PHF20: variants seen among roughly 807,000 people sequenced by gnomAD.
PHF20 encodes glioma-expressed antigen 2.
A neutral mutation model predicts 113.5 loss-of-function variants in PHF20; 23 were observed. The observed-to-expected ratio is 0.20, with a 90% CI of 0.15 to 0.29. The LOEUF (loss-of-function observed/expected upper bound fraction) is 0.29, where lower values mean the gene tolerates loss of function less well. Ranked by LOEUF, PHF20 falls within the 10% of genes least tolerant of loss-of-function variation. The probability of loss-of-function intolerance (pLI) is 1.00; values close to 1 mark genes in which losing one functional copy is unlikely to be tolerated. For missense variants in PHF20, 943 were observed against 1,219.6 expected, an observed-to-expected ratio of 0.77 and a Z score of 3.38; for synonymous variants, 434 against 457.3, an observed-to-expected ratio of 0.95 and a Z score of 0.65.
intron 3 of PHF20, among the ~76,000 whole-genome samples, chr20:35,843,246 G>T (rs1264765091): frequency 6.6e-6 from 1 of 151,828 alleles, no homozygotes; most frequent in African/African-American, 2.4e-5. Context: ...CTGGCCAGGC[G>T]TGGTGGCTCA....
chr20:35,913,256 A>T lies in PHF20; in HGVS notation c.1569A>T (p.Lys523Asn), dbSNP rs2055340988. The change falls in exon 11 of 18, where the codon AAA becomes AAT. Residue 523 changes from lysine (K) to asparagine (N), a missense_variant. Coordinates refer to ENST00000374012, the MANE Select transcript of PHF20 (RefSeq NM_016436.5). ...ATTTGTGTTTAATTCTAGCTACAAAAGACAAGGAAAAGAATAAAGAGAAGA... is the reference window on the plus strand; with the variant it reads ...ATTTGTGTTTAATTCTAGCTACAAATGACAAGGAAAAGAATAAAGAGAAGA... ...KRVSASSPTT[K>N]DKEKNKEKKF... 6.3e-7 allele frequency: 1 copy of T among 1,598,110 alleles called. No individual in the cohort carries two copies. Among genetic ancestry groups the T allele is most frequent in the Admixed American group, 1.7e-5 (1 of 58,616 alleles).
At chr20:35,887,833 A>T (rs1248182909) in intron 9 of PHF20, 5 of 151,316 alleles carry the variant, frequency 3.3e-5, no homozygotes, top group African/African-American at 7.3e-5. Context: ...AAAAAGAAGA[A>T]GTTACAGGTT....
intron 1 of PHF20, among the ~76,000 whole-genome samples, chr20:35,793,719 A>G (rs2041605402): frequency 6.6e-6 from 1 of 150,974 alleles, no homozygotes; most frequent in African/African-American, 2.4e-5. Context: ...ATATGCTCGC[A>G]TGGCGCAGTG....
intron 13 of PHF20, among the ~76,000 whole-genome samples, chr20:35,925,898 G>A (rs1457326492): frequency 7.2e-5 from 11 of 151,730 alleles, no homozygotes; most frequent in African/African-American, 2.4e-4. Context: ...CGAGGCAGGC[G>A]GATCATGAGG....
intron 9 of PHF20, among the ~76,000 whole-genome samples, chr20:35,874,338 C>T (rs988538803): frequency 9.2e-5 from 14 of 152,194 alleles, no homozygotes; most frequent in East Asian, 5.8e-4. Flanking sequence ...ATGTTAAAGA[C>T]GATAAGGCAA....
chr20:35,787,938 C>T (rs576980074), intron 1 of PHF20, among the ~76,000 whole-genome samples: 16 of 151,778 alleles, frequency 1.1e-4, no homozygotes, highest in Non-Finnish European at 1.3e-4. Context: ...GCACCACACC[C>T]GGCTAATTTC....
intron 2 of PHF20, among the ~76,000 whole-genome samples, chr20:35,808,783 A>AG (rs1681503895): frequency 6.6e-6 from 1 of 151,286 alleles, no homozygotes; most frequent in Admixed American, 6.6e-5. Context: ...CATGTTGGCC[A>AG]GGATGGTCTC....
intron 2 of PHF20, among the ~76,000 whole-genome samples, chr20:35,813,090 T>G (rs930583396): frequency 1.2e-4 from 18 of 152,160 alleles, no homozygotes; most frequent in Admixed American, 3.3e-4. Flanking sequence ...TGCCTCGGCC[T>G]CCCGAGAGCT....
At chr20:35,932,428 A>ATTTTTTT (rs753265544) in intron 15 of PHF20, among the ~76,000 whole-genome samples, 5 of 104,660 alleles carry the variant, frequency 4.8e-5, no homozygotes, top group Middle Eastern at 7.8e-3. Flanking sequence ...CATCTTAACC[A>ATTTTTTT]TTTTTTTTTT....
chr20:35,843,609 G>T (rs2042570826), intron 3 of PHF20, among the ~76,000 whole-genome samples: 2 of 151,980 alleles, frequency 1.3e-5, no homozygotes, highest in South Asian at 2.1e-4. Context: ...TTGAGACAGG[G>T]TCTTGCTCTG....
Position 35,913,351 on chromosome 20 carries a change from A to AT in PHF20, c.1660+12dup, listed in dbSNP as rs748092232. On this transcript the variant is annotated splice_donor_region_variant and intron_variant, in intron 11 of 17. Coordinates refer to ENST00000374012, the MANE Select transcript of PHF20 (RefSeq NM_016436.5). ...AAGAAAAAGAAAACCAAACCTGGTA[A>AT]TTTTTTTTCCTGAGGGTTTCACTTA... The AT allele has an allele frequency of 5.0e-6, 8 of 1,585,030 alleles. No homozygotes were observed. The highest frequency in any genetic ancestry group is 5.2e-6 in the Non-Finnish European group (6 of 1,163,726).
chr20:35,895,025 CT>C (rs2054952824), intron 9 of PHF20, among the ~76,000 whole-genome samples: 1 of 151,716 alleles, frequency 6.6e-6, no homozygotes, highest in South Asian at 2.1e-4. Flanking sequence ...GCTAATTTTT[CT>C]TCTTCTTTTT....
rs142504518 is a variant in PHF20 at position 35,938,271 on chromosome 20, G to A, written c.2301-426G>A. Among the ~76,000 whole-genome samples the A allele has an allele frequency of 4.3e-3, 662 of 152,226 alleles. 6 individuals carry two copies. Among genetic ancestry groups the A allele is most frequent in the African/African-American group, 0.015 (636 of 41,528 alleles). ...CCTTCCCATCATGGCCTGAACTAGTGTTTCAGTTTAATGTTGGAATGCTCT... is the reference window on the plus strand; with the variant it reads ...CCTTCCCATCATGGCCTGAACTAGTATTTCAGTTTAATGTTGGAATGCTCT... On this transcript the variant is annotated intron_variant, in intron 15 of 17. Coordinates refer to ENST00000374012, the MANE Select transcript of PHF20 (RefSeq NM_016436.5).
At chr20:35,787,123 C>G (rs2041435310) in intron 1 of PHF20, among the ~76,000 whole-genome samples, 1 of 151,542 alleles carries the variant, frequency 6.6e-6, no homozygotes, top group African/African-American at 2.4e-5. Flanking sequence ...TCCTGAGTAG[C>G]TAGGACGACA....
At chr20:35,803,256 A>G (rs1401737902) in intron 2 of PHF20, among the ~76,000 whole-genome samples, 4 of 104,180 alleles carry the variant, frequency 3.8e-5, no homozygotes, top group Non-Finnish European at 6.0e-5. Context: ...CGTCCCGGAA[A>G]AAAAAAAAAA....
intron 1 of PHF20, among the ~76,000 whole-genome samples, chr20:35,784,433 CTTTTT>C (rs35002007): frequency 9.0e-6 from 1 of 110,508 alleles, no homozygotes; most frequent in Non-Finnish European, 1.7e-5. Context: ...ATCCCAAAGA[CTTTTT>C]TTTTTTTTTT....
At chr20:35,906,322 C>T (rs942300087) in intron 10 of PHF20, among the ~76,000 whole-genome samples, 2 of 152,226 alleles carry the variant, frequency 1.3e-5, no homozygotes, top group Non-Finnish European at 2.9e-5. Context: ...AGTGCCATAA[C>T]AGAGAGAACA....
At chr20:35,860,240 T>G (rs1000389548) in intron 5 of PHF20, among the ~76,000 whole-genome samples, 3 of 144,332 alleles carry the variant, frequency 2.1e-5, no homozygotes, top group Non-Finnish European at 4.6e-5. Flanking sequence ...CTAAGAAATT[T>G]TTTTTTTTTT....
intron 16 of PHF20, among the ~76,000 whole-genome samples, chr20:35,939,899 A>G (rs1184097042): frequency 2.6e-5 from 4 of 152,200 alleles, no homozygotes; most frequent in Non-Finnish European, 5.9e-5. Context: ...TATCTCATGC[A>G]TCCTTGTGCC....
Sources: gnomAD v4.1 joint callset for allele counts (sites outside exome capture counted in the v4.1 genomes callset) on GRCh38, gnomAD v4.1.1 for gene constraint, MANE v1.5 for transcripts, NCBI Gene and HGNC (gene_info 2026-07-23, HGNC 2026-07-21) for gene names.